Variants in BORCS5 observed in about 807,000 individuals in gnomAD.
BORCS5 encodes the protein BLOC-1 related complex subunit 5, also known as BLOC-1-related complex subunit 5.
BORCS5 carries 17 observed loss-of-function variants against 22.1 expected under a neutral mutation model. That is an observed-to-expected ratio of 0.77 (90% CI 0.53 to 1.15). The LOEUF is 1.15. Ranked by LOEUF, BORCS5 falls within the 50% of genes most tolerant of loss-of-function variation. BORCS5 has a pLI of 0.00. For missense variants in BORCS5, 247 were observed against 253.2 expected (o/e 0.98, Z 0.17); for synonymous variants, 117 against 99.8 (o/e 1.17, Z -1.03).
rs1943224353 is a variant in BORCS5 at position 12,467,615 on chromosome 12, G to A, written c.*1839G>A. 6.6e-6 allele frequency: 1 copy of A among 152,198 alleles called. No individual in the cohort carries two copies. The highest frequency in any genetic ancestry group is 6.5e-5 in the Admixed American group (1 of 15,280). The allele number at this position is 152,198 out of a possible 1,614,324, so 9.4% of individuals were successfully genotyped here. Reference sequence around the variant, plus strand: ...GGAGAAGTATGGCAGAAGAACAATAGGCAAATTCAATACTCCCGGAAAGAA... The same window carrying A: ...GGAGAAGTATGGCAGAAGAACAATAAGCAAATTCAATACTCCCGGAAAGAA... On this transcript the variant is annotated 3_prime_UTR_variant, in exon 4 of 4. Coordinates refer to ENST00000314565, the MANE Select transcript of BORCS5 (RefSeq NM_058169.6).
chr12:12,370,090 G>A (rs2136027324), intron 2 of BORCS5, among the ~76,000 whole-genome samples: 1 of 133,754 alleles, frequency 7.5e-6, no homozygotes, highest in Middle Eastern at 3.8e-3. Flanking sequence ...AAATCCCATA[G>A]TGGTTTTATA....
intron 2 of BORCS5, among the ~76,000 whole-genome samples, chr12:12,426,031 T>C (rs563626837): frequency 7.7e-4 from 117 of 152,318 alleles, no homozygotes; most frequent in Admixed American, 7.3e-3. Flanking sequence ...CACTTACAGA[T>C]GAAGGATTTG....
At chr12:12,389,522 A>T (rs1014753812) in intron 2 of BORCS5, among the ~76,000 whole-genome samples, 1 of 152,036 alleles carries the variant, frequency 6.6e-6, no homozygotes, top group Admixed American at 6.6e-5. Flanking sequence ...AACTGAAGTT[A>T]TGTGATTCCT....
rs1225374147 is a variant in BORCS5 at position 12,467,086 on chromosome 12, A to C, written c.*1310A>C. ...TGGGATTACAGGTGTGTGCCACCAA[A>C]TCCAGCTAATTAAAAAAAATTAATT... On this transcript the variant is annotated 3_prime_UTR_variant, in exon 4 of 4. Transcript: ENST00000314565. 1 of 152,144 alleles carries C rather than the reference A, an allele frequency of 6.6e-6. No homozygotes were observed. The highest frequency in any genetic ancestry group is 2.4e-5 in the African/African-American group (1 of 41,434). 9.4% of individuals were successfully genotyped at this position (152,144 alleles called of 1,614,324 possible).
At chr12:12,461,429 C>T (rs1430069663) in intron 3 of BORCS5, among the ~76,000 whole-genome samples, 1 of 152,050 alleles carries the variant, frequency 6.6e-6, no homozygotes, top group African/African-American at 2.4e-5. Flanking sequence ...ACCTCAGCCT[C>T]CCAAAGTACT....
chr12:12,395,118 G>A (rs1166940912), intron 2 of BORCS5, among the ~76,000 whole-genome samples: 5 of 151,934 alleles, frequency 3.3e-5, no homozygotes, highest in Admixed American at 6.5e-5. Flanking sequence ...GGGTTGGGAA[G>A]GTGGATGAAG....
rs1262760636 is a variant in BORCS5 at position 12,413,878 on chromosome 12, C to T, written c.203-21750C>T. 4.9e-4 allele frequency among the ~76,000 whole-genome samples: 32 copies of T among 64,946 alleles called. 4 individuals carry two copies. The East Asian group carries it at 8.2e-3, about 17-fold the overall frequency. 42.6% of individuals were successfully genotyped at this position (64,946 alleles called of 152,430 possible). Reference sequence around the variant, plus strand: ...CTCCCGGACGGGGTGGCTGGTCAGGCGGGGGGCTGACCCCCCCACCTCCCT... The same window carrying T: ...CTCCCGGACGGGGTGGCTGGTCAGGTGGGGGGCTGACCCCCCCACCTCCCT... On this transcript the variant is annotated intron_variant, in intron 2 of 3. Coordinates refer to ENST00000314565, the MANE Select transcript of BORCS5 (RefSeq NM_058169.6).
chr12:12,440,084 A>T (rs1387707097), intron 3 of BORCS5, among the ~76,000 whole-genome samples: 2 of 152,256 alleles, frequency 1.3e-5, no homozygotes, highest in Non-Finnish European at 2.9e-5. Flanking sequence ...ACCGGGATCA[A>T]CTAGAGGTCC....
At chr12:12,437,966 C>G (rs956808310) in intron 3 of BORCS5, among the ~76,000 whole-genome samples, 2 of 151,982 alleles carry the variant, frequency 1.3e-5, no homozygotes, top group Admixed American at 1.3e-4. Flanking sequence ...TCAGCTCAAG[C>G]GATCCTCCCG....
chr12:12,361,474 C>T, intron 2 of BORCS5, 125 bp downstream of exon 2: 2 of 1,060,986 alleles, frequency 1.9e-6, no homozygotes, highest in South Asian at 1.6e-5. Context: ...TAAATGGCAT[C>T]TTCTCAGTGA....
Position 12,468,377 on chromosome 12 carries a change from C to G in BORCS5, c.*2601C>G, listed in dbSNP as rs745836302. 6.6e-6 allele frequency: 1 copy of G among 152,160 alleles called. No individual in the cohort carries two copies. Among genetic ancestry groups the G allele is most frequent in the Non-Finnish European group, 1.5e-5 (1 of 68,034 alleles). The allele number at this position is 152,160 out of a possible 1,614,324, so 9.4% of individuals were successfully genotyped here. On this transcript the variant is annotated 3_prime_UTR_variant, in exon 4 of 4. Transcript: ENST00000314565. ...TGGATCTCTTTGTTGGTTAATACCCCATGACCTATCTGGCCGTTATGGGAT... is the reference window on the plus strand; with the variant it reads ...TGGATCTCTTTGTTGGTTAATACCCGATGACCTATCTGGCCGTTATGGGAT...
chr12:12,406,631 A>C (rs1297943201), intron 2 of BORCS5, among the ~76,000 whole-genome samples: 3 of 112,240 alleles, frequency 2.7e-5, no homozygotes, highest in Non-Finnish European at 1.8e-5. Flanking sequence ...TCAAAAAACC[A>C]AAAAACAAAC....
chr12:12,372,069 C>T (rs747723273), intron 2 of BORCS5, among the ~76,000 whole-genome samples: 9 of 151,504 alleles, frequency 5.9e-5, no homozygotes, highest in African/African-American at 1.9e-4. Flanking sequence ...GAGGGAGTTT[C>T]GCCCTTGTCG....
intron 2 of BORCS5, among the ~76,000 whole-genome samples, chr12:12,409,941 A>G (rs967685619): frequency 1.3e-5 from 2 of 152,228 alleles, no homozygotes; most frequent in African/African-American, 2.4e-5. Context: ...GTGAGATGGT[A>G]TCTCATTGTG....
At chr12:12,416,105 A>G (rs1256489961) in intron 2 of BORCS5, among the ~76,000 whole-genome samples, 1 of 152,130 alleles carries the variant, frequency 6.6e-6, no homozygotes, top group African/African-American at 2.4e-5. Context: ...TATCTAATTT[A>G]TTGCTGTACA....
chr12:12,464,253 C>T (rs1030169029), intron 3 of BORCS5, among the ~76,000 whole-genome samples: 2 of 151,994 alleles, frequency 1.3e-5, no homozygotes, highest in African/African-American at 4.8e-5. Flanking sequence ...AGCTGCTCCT[C>T]CTGCCCTGCA....
intron 2 of BORCS5, among the ~76,000 whole-genome samples, chr12:12,364,798 C>T (rs1203498624): frequency 6.6e-6 from 1 of 152,168 alleles, no homozygotes; most frequent in Non-Finnish European, 1.5e-5. Context: ...AAAACCCTGT[C>T]TCTACAAAAG....
chr12:12,462,355 C>G lies in BORCS5; in HGVS notation c.361-3191C>G, dbSNP rs139040427. On this transcript the variant is annotated intron_variant, in intron 3 of 3. Transcript: ENST00000314565. ...TATTCAACAAATATTTATTCAGGAC[C>G]TGCTATGTGCTGGGTACTGGAGATA... 1.6e-3 allele frequency among the ~76,000 whole-genome samples: 249 copies of G among 152,294 alleles called. 3 individuals carry two copies. The highest frequency in any genetic ancestry group is 5.5e-3 in the African/African-American group (228 of 41,542).
chr12:12,448,569 C>A (rs1459765723), intron 3 of BORCS5, among the ~76,000 whole-genome samples: 2 of 144,988 alleles, frequency 1.4e-5, no homozygotes, highest in African/African-American at 5.1e-5. Context: ...TTCGCTCTTT[C>A]GCCCATGCTG....
Sources: allele counts gnomAD v4.1 joint callset (sites outside exome capture counted in the v4.1 genomes callset), GRCh38; gene constraint gnomAD v4.1.1; transcripts MANE v1.5; gene names NCBI Gene and HGNC (gene_info 2026-07-23, HGNC 2026-07-21).